Variants in YES1 observed in about 807,000 individuals in gnomAD.
The protein encoded by YES1 is YES proto-oncogene 1, Src family tyrosine kinase.
Under a neutral mutation model 70.4 loss-of-function variants are expected in YES1, and 39 were observed. That is an observed-to-expected ratio of 0.55 (90% CI 0.43 to 0.72). The LOEUF is 0.72. YES1 is among the 30% of genes least tolerant of loss of function. YES1 has a pLI of 0.00. For missense variants in YES1, 495 were observed against 644.8 expected, an observed-to-expected ratio of 0.77 and a Z score of 2.52; for synonymous variants, 198 against 218.6, an observed-to-expected ratio of 0.91 and a Z score of 0.83.
chr18:774,527 GT>G (rs1414907118), intron 1 of YES1, among the ~76,000 whole-genome samples: 3 of 152,098 alleles, frequency 2.0e-5, no homozygotes, highest in Non-Finnish European at 4.4e-5. Context: ...CATTCTTCTA[GT>G]TTTTCAGGCC....
chr18:803,453 T>C (rs1310689770), intron 1 of YES1, among the ~76,000 whole-genome samples: 1 of 152,218 alleles, frequency 6.6e-6, no homozygotes, highest in African/African-American at 2.4e-5. Flanking sequence ...AAACTCCATA[T>C]TGTAACACTC....
intron 1 of YES1, among the ~76,000 whole-genome samples, chr18:773,807 T>C (rs1442148719): frequency 6.6e-6 from 1 of 150,896 alleles, no homozygotes; most frequent in African/African-American, 2.4e-5. Context: ...AAACTGAGGT[T>C]CTCTCTCTCT....
chr18:762,261 G>A (rs569601764), intron 1 of YES1, among the ~76,000 whole-genome samples: 69 of 152,110 alleles, frequency 4.5e-4, no homozygotes, highest in Non-Finnish European at 7.9e-4. Context: ...CAGAGGCTGC[G>A]GTGAGCCGAG....
At chr18:773,500 A>G (rs150727563) in intron 1 of YES1, among the ~76,000 whole-genome samples, 27 of 152,320 alleles carry the variant, frequency 1.8e-4, no homozygotes, top group African/African-American at 5.8e-4. Flanking sequence ...AACTTGAACC[A>G]TGACAGTCAT....
intron 1 of YES1, among the ~76,000 whole-genome samples, chr18:758,075 T>A (rs1410960968): frequency 6.6e-6 from 1 of 152,186 alleles, no homozygotes; most frequent in African/African-American, 2.4e-5. Context: ...CACATAATTT[T>A]AAATTTTCTA....
intron 1 of YES1, chr18:788,004 A>G (rs1906052927): frequency 6.6e-6 from 1 of 152,252 alleles, no homozygotes; most frequent in Non-Finnish European, 1.5e-5. Context: ...ACAGGAAAAC[A>G]GCACGTATAT....
intron 1 of YES1, among the ~76,000 whole-genome samples, chr18:775,825 T>C (rs1462993913): frequency 6.6e-6 from 1 of 152,022 alleles, no homozygotes; most frequent in Non-Finnish European, 1.5e-5. Context: ...AATAGAATCA[T>C]ATATAATGCA....
At chr18:747,770 T>C (rs778504149) in intron 4 of YES1, 150 bp downstream of exon 4, 2 of 638,048 alleles carry the variant, frequency 3.1e-6, no homozygotes, top group Non-Finnish European at 5.1e-6. Context: ...CATTAGTTAT[T>C]AATTTTTAAG....
intron 1 of YES1, among the ~76,000 whole-genome samples, chr18:777,889 C>T (rs1905464420): frequency 6.6e-6 from 1 of 150,532 alleles, no homozygotes; most frequent in South Asian, 2.1e-4. Flanking sequence ...AAAGCTATAA[C>T]AAATTTGAAA....
At chr18:775,695 G>T (rs1347661249) in intron 1 of YES1, among the ~76,000 whole-genome samples, 1 of 152,108 alleles carries the variant, frequency 6.6e-6, no homozygotes, top group Admixed American at 6.6e-5. Flanking sequence ...CACTTGGGAG[G>T]CTGAGGTTGG....
chr18:811,449 G>C (rs1413098705), intron 1 of YES1, among the ~76,000 whole-genome samples: 1 of 152,166 alleles, frequency 6.6e-6, no homozygotes, highest in Non-Finnish European at 1.5e-5. Context: ...CAATTATCAA[G>C]AAGAAAAACA....
chr18:751,855 AC>A lies in YES1; in HGVS notation c.272-52del. ...TAAATTATGTAGCTAACTTAACAAA[AC>A]AGAAAAAAAGAACTATTGCCAGCCA... is the stretch of plus-strand genomic sequence containing the variant. On this transcript the variant is annotated intron_variant, in intron 2 of 11. Coordinates refer to ENST00000314574, the MANE Select transcript of YES1 (RefSeq NM_005433.4). 3 of 1,111,582 alleles carry A rather than the reference AC, an allele frequency of 2.7e-6. 1 individual carries two copies. The South Asian group carries it at 4.1e-5, about 15-fold the overall frequency. The allele number at this position is 1,111,582 out of a possible 1,614,324, so 68.9% of individuals were successfully genotyped here. A position where few individuals can be genotyped will look rare whatever the true frequency, so the allele number is the denominator to read the frequency against.
intron 6 of YES1, among the ~76,000 whole-genome samples, chr18:744,320 T>C (rs943120982): frequency 2.0e-5 from 3 of 151,956 alleles, no homozygotes; most frequent in Non-Finnish European, 2.9e-5. Flanking sequence ...TATTATCTAA[T>C]AGCCACTAAT....
chr18:781,028 G>A (rs1251480700), intron 1 of YES1, among the ~76,000 whole-genome samples: 15 of 152,088 alleles, frequency 9.9e-5, no homozygotes, highest in Non-Finnish European at 1.5e-5. Context: ...CAGCACTTTG[G>A]GGCCCGAGGT....
At chr18:778,811 A>G (rs1388872349) in intron 1 of YES1, among the ~76,000 whole-genome samples, 2 of 152,214 alleles carry the variant, frequency 1.3e-5, no homozygotes, top group African/African-American at 2.4e-5. Context: ...AAGAGAAAAC[A>G]TAGGCAGAGA....
At chr18:773,072 A>G (rs1905227450) in intron 1 of YES1, among the ~76,000 whole-genome samples, 1 of 152,252 alleles carries the variant, frequency 6.6e-6, no homozygotes, top group South Asian at 2.1e-4. Flanking sequence ...TCTTCTTAAC[A>G]TAAGGTCTCC....
At chr18:779,738 C>T (rs1377780855) in intron 1 of YES1, among the ~76,000 whole-genome samples, 2 of 152,162 alleles carry the variant, frequency 1.3e-5, no homozygotes, top group Non-Finnish European at 2.9e-5. Context: ...ACCTTACTTC[C>T]AGTCTTTTGT....
chr18:765,674 A>G (rs1904874668), intron 1 of YES1, among the ~76,000 whole-genome samples: 1 of 152,208 alleles, frequency 6.6e-6, no homozygotes, highest in Non-Finnish European at 1.5e-5. Context: ...CTGGGATTAC[A>G]GGCGTGAGCC....
chr18:803,822 AC>A (rs1906946309), intron 1 of YES1, among the ~76,000 whole-genome samples: 1 of 152,206 alleles, frequency 6.6e-6, no homozygotes. Context: ...GTTAACAAAA[AC>A]CAGGCAAAAA....
Sources: allele counts gnomAD v4.1 joint callset (sites outside exome capture counted in the v4.1 genomes callset), GRCh38; gene constraint gnomAD v4.1.1; transcripts MANE v1.5; gene names NCBI Gene and HGNC (gene_info 2026-07-23, HGNC 2026-07-21).